Variants in SCGB1D2 observed in about 807,000 individuals in gnomAD.
SCGB1D2 encodes the protein secretoglobin family 1D member 2, also known as lipophilin-B.
A neutral mutation model predicts 10.5 loss-of-function variants in SCGB1D2; 10 were observed. That is an observed-to-expected ratio of 0.95 (90% CI 0.59 to 1.61). The LOEUF is 1.61. Ranked by LOEUF, SCGB1D2 falls within the 40% of genes most tolerant of loss-of-function variation. The pLI, the probability that SCGB1D2 is intolerant of heterozygous loss-of-function variation, is 0.00. For missense variants in SCGB1D2, 113 were observed against 103.8 expected (o/e 1.09, Z -0.38); for synonymous variants, 42 against 42.8 (o/e 0.98, Z 0.08).
chr11:62,244,054 A>G (rs1470950053), intron 2 of SCGB1D2, among the ~76,000 whole-genome samples: 2 of 152,120 alleles, frequency 1.3e-5, no homozygotes, highest in Non-Finnish European at 2.9e-5. Context: ...CAGTCGTCCA[A>G]GACCCTAGCT....
At chr11:62,244,554 C>T (rs1945093015) in intron 2 of SCGB1D2, 116 bp from the exon 3 acceptor site, 2 of 884,204 alleles carry the variant, frequency 2.3e-6, no homozygotes, top group South Asian at 3.1e-5. Flanking sequence ...GAGTTGTTGC[C>T]TCTGCCCTTC....
chr11:62,243,292 A>G lies in SCGB1D2; in HGVS notation c.59A>G (p.Asn20Ser), dbSNP rs1450339701. Residue 20 changes from asparagine to serine, a missense_variant, in exon 2 of 3, where the codon AAT becomes AGT. Coordinates refer to ENST00000244926, the MANE Select transcript of SCGB1D2 (RefSeq NM_006551.4). ...TATTTTTATTCTTTTGCTGCAGCCA[A>G]TGCCGAGTTCTGCCCAGCTCTTGTT... ...VTLALCCYQA[N>S]AEFCPALVSE... 4.3e-6 allele frequency: 7 copies of G among 1,609,502 alleles called. No homozygotes were observed. Among genetic ancestry groups the G allele is most frequent in the African/African-American group, 1.3e-5 (1 of 74,840 alleles).
intron 1 of SCGB1D2, among the ~76,000 whole-genome samples, chr11:62,242,736 G>C (rs986099311): frequency 2.6e-5 from 4 of 152,178 alleles, no homozygotes; most frequent in African/African-American, 9.7e-5. Context: ...CTGGTAGTTA[G>C]CGCTTCTGCC....
chr11:62,243,429 A>G lies in SCGB1D2; in HGVS notation c.196A>G (p.Thr66Ala). The G allele has an allele frequency of 6.2e-7, 1 of 1,614,106 alleles. No homozygotes were observed. Among genetic ancestry groups the G allele is most frequent in the South Asian group, 1.1e-5 (1 of 91,058 alleles). Residue 66 changes from threonine to alanine, a missense_variant, in exon 2 of 3, where the codon ACG becomes GCG. Transcript: ENST00000244926. ...VAAKLGVKRC[T>A]DQMSLQKRSL... ...AGCCAAGTTAGGAGTGAAGAGATGC[A>G]CGGATCAGATGTCCCTTCAGAAACG...
rs139214011 is a variant in SCGB1D2, at chr11:62,242,313, G to A, written c.6G>A (p.Lys2=). The A allele has an allele frequency of 6.2e-7, 1 of 1,614,134 alleles. No homozygotes were observed. The highest frequency in any genetic ancestry group is 1.1e-5 in the South Asian group (1 of 91,076). M[K]LSVCLLLVTL... is the part of the protein sequence containing the mutation. Reference sequence around the variant, plus strand: ...TCACAGCAAAACAAGCCACCATGAAGCTGTCGGTGTGTCTCCTGCTGGTCA... The same window carrying A: ...TCACAGCAAAACAAGCCACCATGAAACTGTCGGTGTGTCTCCTGCTGGTCA... Residue 2 remains lysine (K), a synonymous_variant, in exon 1 of 3, where the codon AAG becomes AAA. Coordinates refer to ENST00000244926, the MANE Select transcript of SCGB1D2 (RefSeq NM_006551.4).
intron 1 of SCGB1D2, 100 bp downstream of exon 1, chr11:62,242,462 C>A (rs1945070883): frequency 3.5e-6 from 4 of 1,154,880 alleles, no homozygotes; most frequent in East Asian, 2.4e-5. Flanking sequence ...CTGCACAAAA[C>A]CAAAATTCCA....
Position 62,243,309 on chromosome 11 carries a change from G to C in SCGB1D2, c.76G>C (p.Ala26Pro), listed in dbSNP as rs772415751. 7 of 1,613,538 alleles carry C rather than the reference G, an allele frequency of 4.3e-6. No homozygotes were observed. The Admixed American group carries it at 1.0e-4, about 23-fold the overall frequency. Residue 26 changes from alanine (A) to proline (P), a missense_variant, in exon 2 of 3, where the codon GCT (alanine) becomes CCT (proline). Ala to Pro is a conservative substitution (Grantham distance 27, BLOSUM62 -1). Transcript: ENST00000244926. Reference sequence around the variant, plus strand: ...TGCAGCCAATGCCGAGTTCTGCCCAGCTCTTGTTTCTGAGCTGTTAGACTT... The same window carrying C: ...TGCAGCCAATGCCGAGTTCTGCCCACCTCTTGTTTCTGAGCTGTTAGACTT... Reference protein sequence around the residue: ...CYQANAEFCPALVSELLDFFF... With the variant: ...CYQANAEFCPPLVSELLDFFF...
intron 2 of SCGB1D2, 47 bp downstream of exon 2, chr11:62,243,523 A>C (rs764255083): frequency 6.6e-7 from 1 of 1,518,554 alleles, no homozygotes; most frequent in Non-Finnish European, 9.0e-7. Context: ...TCAGCTGCAC[A>C]GTATGAAGTG....
At chr11:62,243,851 G>T (rs1007727440) in intron 2 of SCGB1D2, among the ~76,000 whole-genome samples, 1 of 152,186 alleles carries the variant, frequency 6.6e-6, no homozygotes, top group African/African-American at 2.4e-5. Context: ...AGTCACTGTG[G>T]AATGTCCTGG....
At position 62,244,688 on chromosome 11, in the gene SCGB1D2, T is replaced by G. The variant is rs745857049; in HGVS notation, c.262T>G (p.Cys88Gly). 4 of 1,613,280 alleles carry G rather than the reference T, an allele frequency of 2.5e-6. No homozygotes were observed. The highest frequency in any genetic ancestry group is 1.7e-5 in the Admixed American group (1 of 59,952). Residue 88 changes from cysteine (C) to glycine (G), a missense_variant, in exon 3 of 3, where the codon TGT becomes GGT. Transcript: ENST00000244926. The part of the protein sequence containing the change: ...AEVLVKILKK[C>G]SV ...ATTTTAGGTGAAAATATTGAAGAAA[T>G]GTAGTGTGTGACATGTAAAAACTTT...
rs377363904 is a variant in SCGB1D2, at chr11:62,243,512, G to A, written c.243+36G>A. 51 of 1,568,470 alleles carry A rather than the reference G, an allele frequency of 3.3e-5. 1 individual carries two copies. Among genetic ancestry groups the A allele is most frequent in the East Asian group, 2.7e-4 (12 of 44,576 alleles). On this transcript the variant is annotated intron_variant, in intron 2 of 2. Transcript: ENST00000244926. ...TCTCCTTTATTTGTTAAGGCTTCTGGTCAGCTGCACAGTATGAAGTGAGGT... is the reference window on the plus strand; with the variant it reads ...TCTCCTTTATTTGTTAAGGCTTCTGATCAGCTGCACAGTATGAAGTGAGGT...
intron 2 of SCGB1D2, among the ~76,000 whole-genome samples, chr11:62,243,866 C>T (rs778877008): frequency 6.2e-4 from 95 of 152,258 alleles, no homozygotes; most frequent in Non-Finnish European, 8.2e-4. Context: ...TCCTGGGGAG[C>T]ATGGGAGCCT....
Position 62,242,334 on chromosome 11 carries a change from G to C in SCGB1D2, c.27G>C (p.Leu9=). MKLSVCLL[L]VTLALCCYQA... is the part of the protein sequence containing the mutation. ...TGAAGCTGTCGGTGTGTCTCCTGCT[G>C]GTCACGCTGGCCCTCTGCTGCTACC... Residue 9 remains leucine (L), a synonymous_variant, in exon 1 of 3, where the codon CTG becomes CTC. Transcript: ENST00000244926. 6.2e-7 allele frequency: 1 copy of C among 1,614,086 alleles called. No individual in the cohort carries two copies. The highest frequency in any genetic ancestry group is 8.5e-7 in the Non-Finnish European group (1 of 1,179,980).
intron 2 of SCGB1D2, among the ~76,000 whole-genome samples, chr11:62,243,837 A>G (rs529579154): frequency 6.6e-6 from 1 of 152,270 alleles, no homozygotes. Context: ...CATGTAATGG[A>G]CACAGTCACT....
chr11:62,243,576 G>A (rs1945082728), intron 2 of SCGB1D2, 100 bp downstream of exon 2: 3 of 1,022,170 alleles, frequency 2.9e-6, no homozygotes, highest in East Asian at 2.4e-5. Context: ...TGGTGGGGCA[G>A]CTGCCTTGCT....
At position 62,242,255 on chromosome 11, in the gene SCGB1D2, G is replaced by A. The variant is rs1041417229; in HGVS notation, c.-53G>A. 9 of 1,601,704 alleles carry A rather than the reference G, an allele frequency of 5.6e-6. No homozygotes were observed. Among genetic ancestry groups the A allele is most frequent in the Non-Finnish European group, 6.8e-6 (8 of 1,169,334 alleles). On this transcript the variant is annotated 5_prime_UTR_variant, in exon 1 of 3. Coordinates refer to ENST00000244926, the MANE Select transcript of SCGB1D2 (RefSeq NM_006551.4). ...CAGCTCCACAGGCTCCTGGGGTGGAGTCCAAATCACTCATTGTTTGTGAAA... is the reference window on the plus strand; with the variant it reads ...CAGCTCCACAGGCTCCTGGGGTGGAATCCAAATCACTCATTGTTTGTGAAA...
In SCGB1D2 at chr11:62,243,561, A is replaced by G; in HGVS notation, c.243+85A>G. The G allele has an allele frequency of 2.5e-6, 3 of 1,213,258 alleles. No individual in the cohort carries two copies. In the South Asian group the frequency reaches 5.0e-5, roughly 20 times the overall value. The allele number at this position is 1,213,258 out of a possible 1,614,324, so 75.2% of individuals were successfully genotyped here. On this transcript the variant is annotated intron_variant, in intron 2 of 2. Transcript: ENST00000244926. ...GTCAGCTTGCTGCTCTGTTGGGGACACAGGTGGTGGGGCAGCTGCCTTGCT... is the reference window on the plus strand; with the variant it reads ...GTCAGCTTGCTGCTCTGTTGGGGACGCAGGTGGTGGGGCAGCTGCCTTGCT...
At chr11:62,242,491 T>C (rs1945071238) in intron 1 of SCGB1D2, 129 bp downstream of exon 1, 1 of 823,910 alleles carries the variant, frequency 1.2e-6, no homozygotes, top group Admixed American at 2.4e-5. Context: ...TCTGTGCTTG[T>C]TGAACAAGCC....
intron 1 of SCGB1D2, 104 bp downstream of exon 1, chr11:62,242,466 A>G (rs935529041): frequency 8.8e-7 from 1 of 1,130,418 alleles, no homozygotes; most frequent in African/African-American, 1.6e-5. Context: ...ACAAAACCAA[A>G]ATTCCAAACC....
Sources: allele counts gnomAD v4.1 joint callset (sites outside exome capture counted in the v4.1 genomes callset), GRCh38; gene constraint gnomAD v4.1.1; transcripts MANE v1.5; gene names NCBI Gene and HGNC (gene_info 2026-07-23, HGNC 2026-07-21).